Variants in SLC67A1 observed in about 807,000 individuals in gnomAD.
The protein encoded by SLC67A1 is solute carrier family 67 member A1.
the SLC67A1 span, among the ~76,000 whole-genome samples, chr11:2,905,823 T>C: frequency 2.0e-5 from 3 of 152,174 alleles, no homozygotes; most frequent in Non-Finnish European, 4.4e-5. Flanking sequence ...GATGTGAGCA[T>C]GCTCCATTGC....
chr11:2,921,786 C>T, the SLC67A1 span: 2 of 246,094 alleles, frequency 8.1e-6, no homozygotes, highest in Non-Finnish European at 1.5e-5. Flanking sequence ...CCACCGAGCC[C>T]ATCCCCGGGA....
chr11:2,900,030 C>T, the SLC67A1 span, among the ~76,000 whole-genome samples: 153 of 152,212 alleles, frequency 1.0e-3, 1 homozygote, highest in African/African-American at 3.6e-3. Flanking sequence ...CCCAGGAGTC[C>T]CAAATCTAAG....
chr11:2,901,554 G>A, the SLC67A1 span, among the ~76,000 whole-genome samples: 1 of 152,266 alleles, frequency 6.6e-6, no homozygotes, highest in East Asian at 1.9e-4. Flanking sequence ...CCCAGGCCAA[G>A]GGCAGGGCTT....
At chr11:2,902,135 G>T in the SLC67A1 span, 3 of 152,184 alleles carry the variant, frequency 2.0e-5, no homozygotes, top group African/African-American at 7.2e-5. Flanking sequence ...CCTTCGAGGG[G>T]AGGGGCGGGC....
the SLC67A1 span, chr11:2,919,252 G>A: frequency 7.6e-7 from 1 of 1,310,120 alleles, no homozygotes; most frequent in Admixed American, 1.7e-5. Context: ...GAGGGAGGTG[G>A]GCGCCAAGGT....
chr11:2,900,716 A>AG, the SLC67A1 span, among the ~76,000 whole-genome samples: 1 of 146,836 alleles, frequency 6.8e-6, no homozygotes, highest in Admixed American at 6.9e-5. Flanking sequence ...AAAAAAAAAA[A>AG]AGATATGGGG....
chr11:2,919,436 G>GCCGTGCCCCCCA, the SLC67A1 span: 1 of 1,508,120 alleles, frequency 6.6e-7, no homozygotes, highest in Non-Finnish European at 9.2e-7. Context: ...CCTGCTGGGG[G>GCCGTGCCCCCCA]GCACGGCAGG....
At chr11:2,917,926 C>T in the SLC67A1 span, 81 of 1,344,890 alleles carry the variant, frequency 6.0e-5, no homozygotes, top group African/African-American at 5.5e-4. Flanking sequence ...GGCCTGCAGC[C>T]GGGCGAGGGG....
At chr11:2,908,330 G>A in the SLC67A1 span, 1 of 1,610,578 alleles carries the variant, frequency 6.2e-7, no homozygotes. Context: ...GTATTTGGCA[G>A]GTACAGTGTG....
chr11:2,909,517 CA>C, the SLC67A1 span: 3,042 of 1,321,170 alleles, frequency 2.3e-3, 6 homozygotes, highest in Non-Finnish European at 2.5e-3. Flanking sequence ...AGGGGCGGGT[CA>C]GGGGGGGAAG....
the SLC67A1 span, chr11:2,919,037 G>A: frequency 7.3e-5 from 32 of 435,626 alleles, no homozygotes; most frequent in East Asian, 2.3e-4. Flanking sequence ...ATCCTCCCAC[G>A]TGGTCAGCCC....
chr11:2,903,179 G>C, the SLC67A1 span: 4 of 1,466,122 alleles, frequency 2.7e-6, no homozygotes, highest in East Asian at 2.4e-5. Context: ...AGCTCCACTG[G>C]GGAGGGGGTC....
chr11:2,906,611 A>G, the SLC67A1 span, among the ~76,000 whole-genome samples: 1 of 151,934 alleles, frequency 6.6e-6, no homozygotes, highest in Non-Finnish European at 1.5e-5. Context: ...AAACTATCGC[A>G]AGGACAGAAA....
the SLC67A1 span, chr11:2,917,045 A>ACAGGGAAGGCGGTAGGAGGG: frequency 2.6e-6 from 1 of 389,182 alleles, no homozygotes; most frequent in Non-Finnish European, 4.8e-6. Flanking sequence ...GGAGGCCCAG[A>ACAGGGAAGGCGGTAGGAGGG]GAGGCCTGGG....
the SLC67A1 span, chr11:2,919,434 G>A: frequency 6.5e-7 from 1 of 1,545,170 alleles, no homozygotes. Context: ...GGCCTGCTGG[G>A]GGGCACGGCA....
At chr11:2,914,397 G>A in the SLC67A1 span, among the ~76,000 whole-genome samples, 6 of 152,116 alleles carry the variant, frequency 3.9e-5, no homozygotes, top group African/African-American at 1.2e-4. Context: ...CAGGCTGTCC[G>A]GCGTGCAGAG....
At chr11:2,920,958 C>G in the SLC67A1 span, 2 of 151,902 alleles carry the variant, frequency 1.3e-5, no homozygotes, top group Non-Finnish European at 2.9e-5. Context: ...CGGTGGCTCA[C>G]GCCTGTAATC....
At chr11:2,903,451 G>A in the SLC67A1 span, 1 of 1,613,248 alleles carries the variant, frequency 6.2e-7, no homozygotes, top group Non-Finnish European at 8.5e-7. Context: ...GGCCGCCACA[G>A]AACTTACCTG....
At chr11:2,918,713 G>A in the SLC67A1 span, among the ~76,000 whole-genome samples, 1 of 9,656 alleles carries the variant, frequency 1.0e-4, no homozygotes, top group Non-Finnish European at 6.1e-4. Flanking sequence ...GCCCTTTGAG[G>A]GCCCTTTTTT....
Sources: gnomAD v4.1 joint callset for allele counts (sites outside exome capture counted in the v4.1 genomes callset) on GRCh38, gnomAD v4.1.1 for gene constraint, MANE v1.5 for transcripts, NCBI Gene and HGNC (gene_info 2026-07-23, HGNC 2026-07-21) for gene names.